The following MTA3 variants were observed in gnomAD, a reference collection of about 807,000 sequenced individuals.
MTA3 encodes the protein metastasis-associated protein MTA3.
Under a neutral mutation model 83.5 loss-of-function variants are expected in MTA3, and 34 were observed. That is an observed-to-expected ratio of 0.41 (90% CI 0.31 to 0.54). The LOEUF (loss-of-function observed/expected upper bound fraction) is 0.54. Among genes scored for constraint, MTA3 ranks in the 20% least tolerant of loss-of-function variants. The pLI is 0.33. For synonymous variants in MTA3, 303 were observed against 252.7 expected (o/e 1.20, Z -1.89); for missense variants, 761 against 726.4 (o/e 1.05, Z -0.55).
chr2:42,535,074 G>T (rs1231317406), intron 2 of MTA3, among the ~76,000 whole-genome samples: 1 of 152,030 alleles, frequency 6.6e-6, no homozygotes, highest in Non-Finnish European at 1.5e-5. Flanking sequence ...GCAGTAGAAA[G>T]GAGAAAGGGC....
At chr2:42,719,723 A>G (rs895579044) in intron 15 of MTA3, among the ~76,000 whole-genome samples, 18 of 152,236 alleles carry the variant, frequency 1.2e-4, no homozygotes, top group African/African-American at 4.1e-4. Context: ...AAGGGGAGGC[A>G]TTTGTATTGC....
At chr2:42,584,550 T>A (rs1680042863) in intron 3 of MTA3, among the ~76,000 whole-genome samples, 1 of 152,146 alleles carries the variant, frequency 6.6e-6, no homozygotes, top group South Asian at 2.1e-4. Flanking sequence ...AGTGTATTTT[T>A]TTTTTTTTGG....
At chr2:42,510,408 G>A (rs1674844531) in intron 2 of MTA3, among the ~76,000 whole-genome samples, 1 of 151,726 alleles carries the variant, frequency 6.6e-6, no homozygotes, top group Admixed American at 6.6e-5. Flanking sequence ...CTCAGCAGAT[G>A]CTTTAGTCAG....
At chr2:42,616,510 T>G (rs1174104800) in intron 4 of MTA3, among the ~76,000 whole-genome samples, 1 of 151,760 alleles carries the variant, frequency 6.6e-6, no homozygotes. Flanking sequence ...CATTTAATTT[T>G]GCTTTTATTC....
chr2:42,689,752 C>G (rs1692703172), intron 9 of MTA3, among the ~76,000 whole-genome samples: 1 of 149,304 alleles, frequency 6.7e-6, no homozygotes, highest in Admixed American at 6.7e-5. Flanking sequence ...CTCTCTCGTT[C>G]CTGATACTGA....
At chr2:42,558,119 A>G (rs1382522559) in intron 2 of MTA3, among the ~76,000 whole-genome samples, 1 of 151,598 alleles carries the variant, frequency 6.6e-6, no homozygotes, top group Admixed American at 6.6e-5. Context: ...TGGGACCGGT[A>G]CTTCCCTGAC....
Position 42,546,155 on chromosome 2 carries a change from T to G in MTA3, c.-140-24282T>G, listed in dbSNP as rs367691471. 4.6e-4 allele frequency among the ~76,000 whole-genome samples: 70 copies of G among 152,238 alleles called. 2 individuals carry two copies. The South Asian group carries it at 0.014, about 31-fold the overall frequency. ...TTAATAAGAAACCATTAACTTCAGC[T>G]AACAGCAATAACAATGGAGGCGCCT... is the stretch of plus-strand genomic sequence containing the variant. On this transcript the variant is annotated intron_variant, in intron 2 of 17. Coordinates refer to the MTA3 transcript ENST00000405592.
intron 8 of MTA3, among the ~76,000 whole-genome samples, chr2:42,662,096 T>C (rs1233500147): frequency 6.6e-6 from 1 of 152,190 alleles, no homozygotes; most frequent in Non-Finnish European, 1.5e-5. Flanking sequence ...TCTAGCCGTG[T>C]TAATAAATAT....
chr2:42,504,594 T>C (rs1042844290), intron 2 of MTA3, among the ~76,000 whole-genome samples: 3 of 151,920 alleles, frequency 2.0e-5, no homozygotes, highest in African/African-American at 7.2e-5. Flanking sequence ...GTCGCTCCTG[T>C]GTCATACTTA....
chr2:42,632,111 G>A (rs1230263967), intron 4 of MTA3, among the ~76,000 whole-genome samples: 1 of 96,378 alleles, frequency 1.0e-5, no homozygotes, highest in African/African-American at 4.2e-5. Flanking sequence ...TTTTTTTTGA[G>A]ATGGAGTCTT....
At chr2:42,684,329 C>A (rs1692190916) in intron 9 of MTA3, among the ~76,000 whole-genome samples, 1 of 152,146 alleles carries the variant, frequency 6.6e-6, no homozygotes, top group Non-Finnish European at 1.5e-5. Flanking sequence ...TGCATCTTTA[C>A]TGAATTGTTT....
chr2:42,496,583 G>C (rs1454244733), intron 2 of MTA3, among the ~76,000 whole-genome samples: 1 of 139,170 alleles, frequency 7.2e-6, no homozygotes, highest in Non-Finnish European at 1.5e-5. Context: ...AAAGAACCTA[G>C]AGGTTTTCTA....
intron 8 of MTA3, among the ~76,000 whole-genome samples, chr2:42,669,794 A>G (rs535535140): frequency 1.3e-5 from 2 of 152,332 alleles, no homozygotes; most frequent in South Asian, 2.1e-4. Context: ...TGGGGTAAAT[A>G]CAGCCTTTTA....
intron 8 of MTA3, chr2:42,679,997 T>C (rs1691726537): frequency 6.6e-6 from 1 of 152,296 alleles, no homozygotes; most frequent in African/African-American, 2.4e-5. Flanking sequence ...AAAGATTATA[T>C]AATATACAAA....
At chr2:42,513,502 C>T (rs1457857636) in intron 2 of MTA3, among the ~76,000 whole-genome samples, 2 of 152,216 alleles carry the variant, frequency 1.3e-5, no homozygotes, top group Non-Finnish European at 2.9e-5. Flanking sequence ...GGAACAGACT[C>T]CGTGTTAAAG....
chr2:42,542,291 G>A (rs1481223549), intron 2 of MTA3, among the ~76,000 whole-genome samples: 13 of 152,148 alleles, frequency 8.5e-5, no homozygotes, highest in Admixed American at 8.5e-4. Flanking sequence ...ATGTGGGTGA[G>A]TTATCAGACA....
chr2:42,563,968 C>T (rs566095835), upstream of MTA3, among the ~76,000 whole-genome samples: 3 of 152,236 alleles, frequency 2.0e-5, no homozygotes, highest in African/African-American at 7.2e-5. Context: ...GAATTACAGG[C>T]GTGTGCCACC....
chr2:42,647,781 T>C (rs1031159930), intron 6 of MTA3, among the ~76,000 whole-genome samples: 1 of 152,218 alleles, frequency 6.6e-6, no homozygotes, highest in Non-Finnish European at 1.5e-5. Context: ...CATTAAAGCA[T>C]ATGCAGAATG....
intron 16 of MTA3, among the ~76,000 whole-genome samples, chr2:42,750,570 C>T (rs935423591): frequency 1.1e-4 from 17 of 152,124 alleles, no homozygotes; most frequent in African/African-American, 1.9e-4. Context: ...CAGTTTCTTT[C>T]GATATTTTCT....
Sources: gnomAD v4.1 joint callset for allele counts (sites outside exome capture counted in the v4.1 genomes callset) on GRCh38, gnomAD v4.1.1 for gene constraint, MANE v1.5 for transcripts, NCBI Gene and HGNC (gene_info 2026-07-23, HGNC 2026-07-21) for gene names.